ERI1: variants seen among roughly 807,000 people sequenced by gnomAD.
ERI1 encodes the protein exoribonuclease 1.
A neutral mutation model predicts 39.7 loss-of-function variants in ERI1; 39 were observed. That is an observed-to-expected ratio of 0.98 (90% CI 0.76 to 1.28). The LOEUF (loss-of-function observed/expected upper bound fraction) is 1.28, where lower values mean the gene tolerates loss of function less well. Ranked by LOEUF, ERI1 falls within the 50% of genes most tolerant of loss-of-function variation. The pLI is 0.00. For missense variants in ERI1, 581 were observed against 416.9 expected, an observed-to-expected ratio of 1.39 and a Z score of -3.43; for synonymous variants, 204 against 149.6, an observed-to-expected ratio of 1.36 and a Z score of -2.65.
chr8:9,078,128 G>A (rs181392045), intron 3 of ERI1, among the ~76,000 whole-genome samples: 4 of 152,052 alleles, frequency 2.6e-5, no homozygotes, highest in East Asian at 3.9e-4. Flanking sequence ...TAGCTGGGAC[G>A]ACATGCGTGC....
rs1250713023 is a variant in ERI1 at position 9,030,217 on chromosome 8, T to C, written c.*183T>C. The C allele has an allele frequency of 1.4e-6, 1 of 729,014 alleles. No individual in the cohort carries two copies. Among genetic ancestry groups the C allele is most frequent in the Non-Finnish European group, 2.2e-6 (1 of 458,818 alleles). The allele number at this position is 729,014 out of a possible 1,614,324, so 45.2% of individuals were successfully genotyped here. A position where few individuals can be genotyped will look rare whatever the true frequency, so the allele number is the denominator to read the frequency against. ...TTTGTAGGAAGGCATACTGAATTCT[T>C]TGTCACCAGCACTTTTGATATGAAC... On this transcript the variant is annotated 3_prime_UTR_variant, in exon 7 of 7. Coordinates refer to ENST00000250263, the MANE Select transcript of ERI1 (RefSeq NM_153332.4).
intron 3 of ERI1, among the ~76,000 whole-genome samples, chr8:9,012,122 T>A (rs1816738120): frequency 6.6e-6 from 1 of 152,170 alleles, no homozygotes; most frequent in Admixed American, 6.5e-5. Context: ...CATCAGCATT[T>A]TTTTGAAGCT....
chr8:9,005,690 TAG>T (rs1430692580), intron 1 of ERI1, among the ~76,000 whole-genome samples: 1 of 151,986 alleles, frequency 6.6e-6, no homozygotes, highest in Non-Finnish European at 1.5e-5. Context: ...GTATTTTTAG[TAG>T]AGACGGGGTT....
At chr8:9,058,648 A>G (rs1460943887) in intron 3 of ERI1, among the ~76,000 whole-genome samples, 1 of 152,150 alleles carries the variant, frequency 6.6e-6, no homozygotes, top group Non-Finnish European at 1.5e-5. Flanking sequence ...ACTTGACTTA[A>G]TTGAATTGGC....
intron 3 of ERI1, among the ~76,000 whole-genome samples, chr8:9,056,538 C>T: frequency 6.6e-6 from 1 of 152,180 alleles, no homozygotes; most frequent in Non-Finnish European, 1.5e-5. Flanking sequence ...AAAGATGTTT[C>T]CACATTTAAG....
chr8:9,068,391 C>T (rs1381561449), intron 3 of ERI1, among the ~76,000 whole-genome samples: 2 of 152,158 alleles, frequency 1.3e-5, no homozygotes, highest in South Asian at 4.1e-4. Flanking sequence ...AGCTGCAGTG[C>T]AGTGGCAGCA....
chr8:9,004,366 T>C (rs1054239751), intron 1 of ERI1: 2 of 929,400 alleles, frequency 2.2e-6, no homozygotes, highest in Non-Finnish European at 2.7e-6. Context: ...TATGCTTCTT[T>C]ATATTTGAAA....
intron 3 of ERI1, among the ~76,000 whole-genome samples, chr8:9,078,064 A>T (rs1359858590): frequency 1.3e-5 from 2 of 152,012 alleles, no homozygotes; most frequent in African/African-American, 4.8e-5. Context: ...ATCTCGGCTC[A>T]CTGCAACCTC....
rs573671551 is a variant in ERI1, at chr8:9,054,282, A to G, written n.299+33818A>G. Among the ~76,000 whole-genome samples, 4 of 152,334 alleles carry G rather than the reference A, an allele frequency of 2.6e-5. No individual in the cohort carries two copies. In the East Asian group the frequency reaches 5.8e-4, roughly 22 times the overall value. On this transcript the variant is annotated intron_variant and non_coding_transcript_variant, in intron 3 of 3. Coordinates refer to the ERI1 transcript ENST00000518663. ...AGGGCAAAATTATCCCCATCAAAAT[A>G]CATCAGTTATGTACCCACTTCGTCC...
intron 3 of ERI1, among the ~76,000 whole-genome samples, chr8:9,093,879 G>T (rs947643399): frequency 6.6e-6 from 1 of 152,172 alleles, no homozygotes; most frequent in Non-Finnish European, 1.5e-5. Context: ...GCCTGGCCAA[G>T]ACTTTAAAAT....
At chr8:9,059,433 G>A (rs972605525) in intron 3 of ERI1, among the ~76,000 whole-genome samples, 38 of 152,032 alleles carry the variant, frequency 2.5e-4, no homozygotes, top group Admixed American at 1.5e-3. Context: ...GGGCTGCTTC[G>A]AGCAGGATTA....
intron 3 of ERI1, among the ~76,000 whole-genome samples, chr8:9,064,426 A>G (rs1325322821): frequency 6.6e-6 from 1 of 152,184 alleles, no homozygotes; most frequent in East Asian, 1.9e-4. Context: ...CGTCCCTACA[A>G]TGATTAAACA....
intron 6 of ERI1, among the ~76,000 whole-genome samples, chr8:9,024,940 TAAA>T (rs34169022): frequency 6.7e-6 from 1 of 150,136 alleles, no homozygotes; most frequent in African/African-American, 2.5e-5. Flanking sequence ...TCATGCATGT[TAAA>T]AAAAAAAGCT....
In ERI1 at chr8:9,029,917, G is replaced by T. The variant is rs201198096; in HGVS notation, c.933G>T (p.Gln311His). ...NIARIAVRML[Q>H]DGCELRINEK... ...CCCGAATAGCAGTTCGAATGCTTCA[G>T]GATGGGTGTGAACTCCGAATCAACG... The change falls in exon 7 of 7, where the codon CAG (glutamine) becomes CAT (histidine). Residue 311 changes from glutamine (Q) to histidine (H), a missense_variant. Transcript: ENST00000250263. 1 of 1,614,124 alleles carries T rather than the reference G, an allele frequency of 6.2e-7. No homozygotes were observed. Among genetic ancestry groups the T allele is most frequent in the South Asian group, 1.1e-5 (1 of 91,088 alleles).
downstream of ERI1, among the ~76,000 whole-genome samples, chr8:9,035,348 C>A (rs1475743836): frequency 5.3e-5 from 8 of 151,948 alleles, no homozygotes; most frequent in African/African-American, 1.9e-4. Flanking sequence ...TTCAAAGCTT[C>A]AAAGGACAGG....
At chr8:9,020,069 C>G (rs965672909) in intron 5 of ERI1, among the ~76,000 whole-genome samples, 2 of 152,104 alleles carry the variant, frequency 1.3e-5, no homozygotes, top group Non-Finnish European at 2.9e-5. Context: ...TAGCATAATA[C>G]TCAGCAAGAT....
rs181476903 is a variant in ERI1, at chr8:9,029,088, A to T, written c.808-704A>T. Reference sequence around the variant, plus strand: ...AATCTTCATTATCTTTAGCCATCCAAAAAGGCTAGTCTTTTTATCTAAGAA... The same window carrying T: ...AATCTTCATTATCTTTAGCCATCCATAAAGGCTAGTCTTTTTATCTAAGAA... On this transcript the variant is annotated intron_variant, in intron 6 of 6. Coordinates refer to ENST00000250263, the MANE Select transcript of ERI1 (RefSeq NM_153332.4). 1.8e-4 allele frequency among the ~76,000 whole-genome samples: 27 copies of T among 151,850 alleles called. 1 individual carries two copies. Among genetic ancestry groups the T allele is most frequent in the Admixed American group, 1.8e-3 (27 of 15,236 alleles).
At chr8:9,023,389 A>G (rs1274592599) in intron 6 of ERI1, among the ~76,000 whole-genome samples, 10 of 152,142 alleles carry the variant, frequency 6.6e-5, no homozygotes, top group African/African-American at 1.7e-4. Context: ...CCCAGATGGA[A>G]TAATTTTTAT....
intron 3 of ERI1, among the ~76,000 whole-genome samples, chr8:9,067,613 C>G (rs1458670646): frequency 6.6e-6 from 1 of 150,456 alleles, no homozygotes; most frequent in Non-Finnish European, 1.5e-5. Context: ...CAAGATCGCA[C>G]CACTGCACTC....
Sources: gnomAD v4.1 joint callset for allele counts (sites outside exome capture counted in the v4.1 genomes callset) on GRCh38, gnomAD v4.1.1 for gene constraint, MANE v1.5 for transcripts, NCBI Gene and HGNC (gene_info 2026-07-23, HGNC 2026-07-21) for gene names.